CACNG3: variants seen among roughly 807,000 people sequenced by gnomAD.
CACNG3 encodes calcium voltage-gated channel auxiliary subunit gamma 3.
CACNG3 carries 3 observed loss-of-function variants against 28.5 expected under a neutral mutation model. The ratio of observed to expected loss-of-function variants is 0.11; its 90% confidence interval spans 0.05 to 0.27. The LOEUF (loss-of-function observed/expected upper bound fraction) is 0.27. Among genes scored for constraint, CACNG3 ranks in the 10% least tolerant of loss-of-function variants. The probability of loss-of-function intolerance (pLI) is 1.00; values close to 1 mark genes in which losing one functional copy is unlikely to be tolerated. For missense variants in CACNG3, 236 were observed against 414.4 expected (o/e 0.57, Z 3.74); for synonymous variants, 174 against 162.2 (o/e 1.07, Z -0.55).
intron 1 of CACNG3, among the ~76,000 whole-genome samples, chr16:24,298,067 A>G (rs1216517134): frequency 6.6e-6 from 1 of 152,028 alleles, no homozygotes. Flanking sequence ...TTCACTATAG[A>G]AAATTTAGAA....
chr16:24,361,530 G>A lies in CACNG3; in HGVS notation c.615G>A (p.Gln205=). 7 of 1,614,006 alleles carry A rather than the reference G, an allele frequency of 4.3e-6. No homozygotes were observed. Among genetic ancestry groups the A allele is most frequent in the Non-Finnish European group, 5.9e-6 (7 of 1,179,990 alleles). Residue 205 remains glutamine (Q), a synonymous_variant, in exon 4 of 4, where the codon CAG becomes CAA. Coordinates refer to ENST00000005284, the MANE Select transcript of CACNG3 (RefSeq NM_006539.4). The surrounding 1 kb of genome is among the most constrained non-coding windows in gnomAD (Gnocchi z 6.8). ...TGCACATCTATATTGAAAAACATCA[G>A]CAGTTACGAGCCAAATCCCACTCGG... ...VAVHIYIEKH[Q]QLRAKSHSEF...
intron 1 of CACNG3, among the ~76,000 whole-genome samples, chr16:24,313,399 A>G (rs1390259759): frequency 6.6e-6 from 1 of 152,236 alleles, no homozygotes; most frequent in African/African-American, 2.4e-5. Flanking sequence ...CTCTGGCTCC[A>G]GAGTCTAAGC....
chr16:24,356,912 A>C (rs1332784016), intron 3 of CACNG3, among the ~76,000 whole-genome samples: 1 of 152,076 alleles, frequency 6.6e-6, no homozygotes, highest in Non-Finnish European at 1.5e-5. Flanking sequence ...GTCATGTCTT[A>C]ACATGGCAGC....
At chr16:24,360,079 G>T (rs1045274247) in intron 3 of CACNG3, among the ~76,000 whole-genome samples, 6 of 152,054 alleles carry the variant, frequency 3.9e-5, no homozygotes, top group Admixed American at 3.9e-4. Context: ...CCTGGAAATG[G>T]TTACTCACCA....
chr16:24,312,920 G>GAAGAAAGAAAGAAAGA (rs374395697), intron 1 of CACNG3, among the ~76,000 whole-genome samples: 1,630 of 122,046 alleles, frequency 0.013, 30 homozygotes, highest in African/African-American at 0.035. Context: ...AGGAAGGAAG[G>GAAGAAAGAAAGAAAGA]AAGAAAGAAA....
At chr16:24,296,526 G>A (rs1009686359) in intron 1 of CACNG3, among the ~76,000 whole-genome samples, 2 of 133,868 alleles carry the variant, frequency 1.5e-5, no homozygotes, top group Non-Finnish European at 3.5e-5. Context: ...ATTCTCTGGA[G>A]AGGAAGGTCT....
intron 1 of CACNG3, among the ~76,000 whole-genome samples, chr16:24,298,647 G>A (rs1438730937): frequency 6.6e-6 from 1 of 152,092 alleles, no homozygotes; most frequent in African/African-American, 2.4e-5. Context: ...TTGACACATT[G>A]TTATTAACTA....
At chr16:24,316,336 G>A (rs1203570019) in intron 1 of CACNG3, among the ~76,000 whole-genome samples, 2 of 151,358 alleles carry the variant, frequency 1.3e-5, no homozygotes, top group African/African-American at 4.8e-5. Flanking sequence ...ATGCCCCCAC[G>A]CCTTCCCAGG....
chr16:24,335,377 G>C (rs768974664), intron 1 of CACNG3, among the ~76,000 whole-genome samples: 2 of 152,060 alleles, frequency 1.3e-5, no homozygotes, highest in African/African-American at 2.4e-5. Flanking sequence ...CCAAGATCGC[G>C]CCACTGCACT....
chr16:24,293,285 T>A (rs1898988817), intron 1 of CACNG3, among the ~76,000 whole-genome samples: 1 of 152,186 alleles, frequency 6.6e-6, no homozygotes, highest in Non-Finnish European at 1.5e-5. Flanking sequence ...GTGGCACTGT[T>A]TTCTTCTTTC....
chr16:24,317,623 AAAGACAGACAGAAAG>A (rs1899382921), intron 1 of CACNG3, among the ~76,000 whole-genome samples: 7 of 58,008 alleles, frequency 1.2e-4, no homozygotes, highest in African/African-American at 2.2e-4. Flanking sequence ...AGAAAGAAAG[AAAGACAGACAGAAAG>A]AAAGAAAAGA....
chr16:24,332,750 G>A (rs1188508357), intron 1 of CACNG3, among the ~76,000 whole-genome samples: 1 of 151,822 alleles, frequency 6.6e-6, no homozygotes, highest in Non-Finnish European at 1.5e-5. Context: ...TTCATGACCG[G>A]ACCAGTTATA....
intron 3 of CACNG3, among the ~76,000 whole-genome samples, chr16:24,355,760 G>A (rs1368374809): frequency 2.0e-5 from 3 of 151,976 alleles, no homozygotes; most frequent in Non-Finnish European, 4.4e-5. Context: ...TCAATACTCT[G>A]CCATCACCCT....
chr16:24,315,519 T>C lies in CACNG3; in HGVS notation c.212-31215T>C, dbSNP rs143055798. 7.2e-3 allele frequency among the ~76,000 whole-genome samples: 1,084 copies of C among 150,724 alleles called. 28 individuals are homozygous for C. The highest frequency in any genetic ancestry group is 5.0e-3 in the Non-Finnish European group (338 of 67,594). ...TTCCTGCTTTCTTTCTTTCTTTTCC[T>C]TCTTTCTTTCTTTCTTTTTCCTTTT... On this transcript the variant is annotated intron_variant, in intron 1 of 3. Transcript: ENST00000005284.
chr16:24,305,380 A>C (rs1244969004), intron 1 of CACNG3, among the ~76,000 whole-genome samples: 1 of 150,534 alleles, frequency 6.6e-6, no homozygotes, highest in Admixed American at 6.7e-5. Context: ...ACAGGTTTAG[A>C]GACAGGTTTG....
chr16:24,256,716 C>G lies in CACNG3; in HGVS notation c.-39C>G, dbSNP rs755987658. On this transcript the variant is annotated 5_prime_UTR_variant, in exon 1 of 4. Transcript: ENST00000005284. This position sits in a 1 kb window ranked among gnomAD's most constrained non-coding sequence, Gnocchi z 4.6. ...TTTTCCCCTCCGGCACTGACTCTCC[C>G]CCTCCAACCCCCAGCCGTCCAGAGT... 29 of 1,406,172 alleles carry G rather than the reference C, an allele frequency of 2.1e-5. No homozygotes were observed. The highest frequency in any genetic ancestry group is 2.7e-5 in the Non-Finnish European group (27 of 991,254). The allele number at this position is 1,406,172 out of a possible 1,614,324, so 87.1% of individuals were successfully genotyped here. A position where few individuals can be genotyped will look rare whatever the true frequency, so the allele number is the denominator to read the frequency against.
intron 1 of CACNG3, among the ~76,000 whole-genome samples, chr16:24,272,448 A>G (rs1898703329): frequency 6.6e-6 from 1 of 152,094 alleles, no homozygotes; most frequent in Admixed American, 6.5e-5. Context: ...ATTCTTCATA[A>G]GTCACTCCAC....
chr16:24,332,464 C>T (rs1425677532), intron 1 of CACNG3, among the ~76,000 whole-genome samples: 1 of 135,480 alleles, frequency 7.4e-6, no homozygotes, highest in African/African-American at 2.8e-5. Flanking sequence ...GACCCTGTCT[C>T]AAAAAAAAAA....
At chr16:24,323,869 G>A (rs1240227056) in intron 1 of CACNG3, among the ~76,000 whole-genome samples, 1 of 152,162 alleles carries the variant, frequency 6.6e-6, no homozygotes, top group Non-Finnish European at 1.5e-5. Context: ...CCAGGTTCAA[G>A]CGATTCTTCT....
Sources: gnomAD v4.1 joint callset for allele counts (sites outside exome capture counted in the v4.1 genomes callset) on GRCh38, gnomAD v4.1.1 for gene constraint, Gnocchi (gnomAD v3.1) non-coding constraint, MANE v1.5 for transcripts, NCBI Gene and HGNC (gene_info 2026-07-23, HGNC 2026-07-21) for gene names.